Variants in MAST2 observed in about 807,000 individuals in gnomAD.
MAST2 encodes the protein microtubule-associated serine/threonine-protein kinase 2.
Under a neutral mutation model 147.4 loss-of-function variants are expected in MAST2, and 70 were observed. The ratio of observed to expected loss-of-function variants is 0.47; its 90% CI spans 0.39 to 0.58. The LOEUF (loss-of-function observed/expected upper bound fraction) is 0.58. Among genes scored for constraint, MAST2 ranks in the 20% least tolerant of loss-of-function variants. The pLI is 0.00. For missense variants in MAST2, 2,080 were observed against 2,302.3 expected, an observed-to-expected ratio of 0.90 and a Z score of 1.98; for synonymous variants, 869 against 896.8, an observed-to-expected ratio of 0.97 and a Z score of 0.55.
At chr1:45,881,563 T>C (rs913312606) in intron 3 of MAST2, among the ~76,000 whole-genome samples, 3 of 152,222 alleles carry the variant, frequency 2.0e-5, no homozygotes, top group African/African-American at 7.2e-5. Context: ...CCAGCTGTTA[T>C]CGTAAAGGTT....
At chr1:46,006,217 A>G in intron 7 of MAST2, 24 bp from the exon 8 acceptor site, 1 of 1,599,912 alleles carries the variant, frequency 6.3e-7, no homozygotes, top group Non-Finnish European at 8.5e-7. Flanking sequence ...CTTTAATGCC[A>G]CTTCTTAATG....
At chr1:45,904,025 C>A (rs1049261329) in intron 4 of MAST2, among the ~76,000 whole-genome samples, 4 of 152,170 alleles carry the variant, frequency 2.6e-5, no homozygotes, top group African/African-American at 9.7e-5. Context: ...TTTGTTTAGA[C>A]ACAGGGTCTC....
At chr1:46,009,983 A>G (rs12760116) in intron 9 of MAST2, among the ~76,000 whole-genome samples, 2 of 152,146 alleles carry the variant, frequency 1.3e-5, no homozygotes, top group Admixed American at 6.6e-5. Flanking sequence ...TTAGGTCCCT[A>G]AGAGGTTTGG....
At chr1:45,898,501 C>T (rs1348635388) in intron 4 of MAST2, among the ~76,000 whole-genome samples, 1 of 152,148 alleles carries the variant, frequency 6.6e-6, no homozygotes, top group Non-Finnish European at 1.5e-5. Context: ...GCAATATCTT[C>T]CGTTCTGTTT....
chr1:45,866,299 C>A (rs1414842237), intron 3 of MAST2, among the ~76,000 whole-genome samples: 2 of 152,222 alleles, frequency 1.3e-5, no homozygotes, highest in East Asian at 3.9e-4. Flanking sequence ...ATACTAATTT[C>A]TCCTGTTAGC....
At chr1:45,856,926 A>G (rs1645809297) in intron 3 of MAST2, among the ~76,000 whole-genome samples, 2 of 152,156 alleles carry the variant, frequency 1.3e-5, no homozygotes, top group South Asian at 4.1e-4. Flanking sequence ...TAGCAAGGGA[A>G]TTAGTACTTG....
At chr1:45,929,386 G>A (rs150874107) in intron 4 of MAST2, among the ~76,000 whole-genome samples, 3 of 152,292 alleles carry the variant, frequency 2.0e-5, no homozygotes, top group South Asian at 4.1e-4. Flanking sequence ...GAGCAGCAGG[G>A]GGGGAGTTGT....
chr1:46,027,062 AC>A (rs1022246833), intron 16 of MAST2, among the ~76,000 whole-genome samples: 4 of 152,152 alleles, frequency 2.6e-5, no homozygotes, highest in Non-Finnish European at 5.9e-5. Flanking sequence ...GGGAGGCATG[AC>A]TTTGTTTTGG....
chr1:45,935,331 C>T (rs1011776077), intron 4 of MAST2, among the ~76,000 whole-genome samples: 2 of 152,048 alleles, frequency 1.3e-5, no homozygotes, highest in Admixed American at 6.6e-5. Flanking sequence ...ATATTTTCTC[C>T]CATTCTCTAG....
chr1:46,027,664 T>TC, intron 16 of MAST2, 67 bp from the exon 17 acceptor site: 3 of 1,537,710 alleles, frequency 2.0e-6, no homozygotes, highest in Non-Finnish European at 2.7e-6. Flanking sequence ...AAACTGGGCA[T>TC]ATACTAAAAT....
At chr1:45,941,707 G>A (rs142773242) in intron 4 of MAST2, among the ~76,000 whole-genome samples, 17 of 144,352 alleles carry the variant, frequency 1.2e-4, no homozygotes, top group African/African-American at 4.1e-4. Context: ...ATTCCTTATT[G>A]CACTGGCTAG....
At chr1:45,888,523 C>T (rs943116005) in intron 4 of MAST2, among the ~76,000 whole-genome samples, 7 of 151,204 alleles carry the variant, frequency 4.6e-5, no homozygotes, top group South Asian at 4.2e-4. Flanking sequence ...CCACCACGCC[C>T]GGCTAATTTT....
chr1:45,904,292 G>GC (rs1430952243), intron 4 of MAST2, among the ~76,000 whole-genome samples: 1 of 151,732 alleles, frequency 6.6e-6, no homozygotes, highest in Non-Finnish European at 1.5e-5. Context: ...TCCTGCCTCA[G>GC]CCCCCTGAGT....
At chr1:45,924,278 C>A (rs1380859745) in intron 4 of MAST2, among the ~76,000 whole-genome samples, 3 of 152,194 alleles carry the variant, frequency 2.0e-5, no homozygotes, top group Non-Finnish European at 4.4e-5. Context: ...CAGTCCAGAA[C>A]AGAATCTGTG....
chr1:45,843,134 T>C (rs1357549360), intron 3 of MAST2, among the ~76,000 whole-genome samples: 1 of 152,030 alleles, frequency 6.6e-6, no homozygotes, highest in Non-Finnish European at 1.5e-5. Flanking sequence ...TTTTTTTAAT[T>C]GAATTTTTTT....
At chr1:45,962,695 C>T (rs1199478994) in intron 5 of MAST2, among the ~76,000 whole-genome samples, 2 of 152,140 alleles carry the variant, frequency 1.3e-5, no homozygotes, top group Non-Finnish European at 2.9e-5. Context: ...GAGTAGATTG[C>T]AAAAATTTTC....
intron 3 of MAST2, among the ~76,000 whole-genome samples, chr1:45,856,171 T>C (rs6429582): frequency 0.45 from 67,786 of 152,004 alleles, 15,324 homozygotes; most frequent in East Asian, 0.62. Context: ...TTGTAATTAA[T>C]GTTTGAGGTC....
chr1:45,829,956 G>A (rs1011982116), intron 3 of MAST2, among the ~76,000 whole-genome samples: 2 of 151,126 alleles, frequency 1.3e-5, no homozygotes, highest in East Asian at 3.9e-4. Flanking sequence ...CTGGGTTCAA[G>A]CAATTCTCCT....
chr1:46,007,067 T>C (rs1225895420), intron 8 of MAST2, among the ~76,000 whole-genome samples: 1 of 152,220 alleles, frequency 6.6e-6, no homozygotes, highest in Non-Finnish European at 1.5e-5. Context: ...CAGCTGCTGA[T>C]TAATTTTCGA....
Sources: allele counts gnomAD v4.1 joint callset (sites outside exome capture counted in the v4.1 genomes callset), GRCh38; gene constraint gnomAD v4.1.1; transcripts MANE v1.5; gene names NCBI Gene and HGNC (gene_info 2026-07-23, HGNC 2026-07-21).